The following LYRM4 variants were observed in gnomAD, a reference collection of about 807,000 sequenced individuals.
LYRM4 encodes LYR motif-containing protein 4.
Under a neutral mutation model 11.7 loss-of-function variants are expected in LYRM4, and 9 were observed. The observed-to-expected ratio is 0.77, with a 90% CI of 0.46 to 1.34. The LOEUF is 1.34. Among genes scored for constraint, LYRM4 ranks in the 40% most tolerant of loss-of-function variants. LYRM4 has a pLI of 0.00. For missense variants in LYRM4, 133 were observed against 112.5 expected (o/e 1.18, Z -0.82); for synonymous variants, 42 against 40.4 (o/e 1.04, Z -0.15).
chr6:5,184,613 T>C (rs1379806986), intron 2 of LYRM4, among the ~76,000 whole-genome samples: 4 of 152,158 alleles, frequency 2.6e-5, no homozygotes, highest in South Asian at 4.1e-4. Context: ...TCAAAGAAAA[T>C]AAATGAACAG....
intron 2 of LYRM4, among the ~76,000 whole-genome samples, chr6:5,111,432 C>T (rs1343602232): frequency 1.3e-5 from 2 of 152,162 alleles, no homozygotes; most frequent in Non-Finnish European, 2.9e-5. Flanking sequence ...TAGTAGCAGG[C>T]AGGAGTTATG....
chr6:5,220,969 T>C (rs1343574687), intron 1 of LYRM4, among the ~76,000 whole-genome samples: 3 of 152,138 alleles, frequency 2.0e-5, no homozygotes, highest in African/African-American at 7.2e-5. Flanking sequence ...TAGCTGGGAA[T>C]ACAGCAGCAT....
At chr6:5,170,564 G>A (rs1224415442) in intron 2 of LYRM4, among the ~76,000 whole-genome samples, 2 of 152,056 alleles carry the variant, frequency 1.3e-5, no homozygotes, top group African/African-American at 2.4e-5. Flanking sequence ...GCAGTGGCGC[G>A]ATCTCGGCTC....
the LYRM4 span, among the ~76,000 whole-genome samples, chr6:5,082,607 C>T: frequency 1.3e-5 from 2 of 152,258 alleles, no homozygotes; most frequent in Admixed American, 6.5e-5. Flanking sequence ...TCACCCTTCA[C>T]CACAACAATG....
chr6:5,124,773 C>T (rs932875319), intron 2 of LYRM4, among the ~76,000 whole-genome samples: 4 of 152,220 alleles, frequency 2.6e-5, no homozygotes, highest in Admixed American at 6.5e-5. Flanking sequence ...CCGGCTTTAC[C>T]GGAGGGCTCT....
At chr6:5,259,662 G>A (rs987772183) in intron 1 of LYRM4, among the ~76,000 whole-genome samples, 6 of 152,202 alleles carry the variant, frequency 3.9e-5, no homozygotes, top group Admixed American at 3.3e-4. Flanking sequence ...CCAAGGGTAG[G>A]CTCTGCTCTT....
At chr6:5,120,501 G>A (rs950680888) in intron 2 of LYRM4, among the ~76,000 whole-genome samples, 5 of 152,190 alleles carry the variant, frequency 3.3e-5, no homozygotes, top group African/African-American at 1.2e-4. Flanking sequence ...GTGAGCAGCA[G>A]CAAGATTTAT....
At chr6:5,048,887 T>C in the LYRM4 span, among the ~76,000 whole-genome samples, 1 of 152,192 alleles carries the variant, frequency 6.6e-6, no homozygotes, top group East Asian at 1.9e-4. Flanking sequence ...CTTGTGGGAC[T>C]TGGAAATAAA....
chr6:5,211,143 C>T (rs10498665), intron 2 of LYRM4, among the ~76,000 whole-genome samples: 47,285 of 151,988 alleles, frequency 0.31, 8,689 homozygotes, highest in East Asian at 0.45. Flanking sequence ...CTGCAAAGGA[C>T]CTCAAACATA....
At chr6:5,190,398 G>A (rs1760683506) in intron 2 of LYRM4, among the ~76,000 whole-genome samples, 1 of 151,996 alleles carries the variant, frequency 6.6e-6, no homozygotes, top group Non-Finnish European at 1.5e-5. Context: ...AAATTCACTT[G>A]GTATTCTGTA....
intron 1 of LYRM4, among the ~76,000 whole-genome samples, chr6:5,244,171 G>A (rs948637290): frequency 1.3e-5 from 2 of 152,182 alleles, no homozygotes; most frequent in African/African-American, 4.8e-5. Context: ...TTTCAGTATA[G>A]CTTTCAGTAA....
chr6:5,250,271 A>G (rs972096981), intron 1 of LYRM4, among the ~76,000 whole-genome samples: 3 of 152,146 alleles, frequency 2.0e-5, no homozygotes, highest in Non-Finnish European at 2.9e-5. Flanking sequence ...TATAAATAGA[A>G]TAAGTGCAAT....
chr6:5,052,117 C>T, the LYRM4 span, among the ~76,000 whole-genome samples: 5 of 152,120 alleles, frequency 3.3e-5, no homozygotes, highest in African/African-American at 7.2e-5. Flanking sequence ...ACCTGCCTTG[C>T]AAGAAGGGAG....
At chr6:5,151,316 C>T (rs1758076392) in intron 2 of LYRM4, among the ~76,000 whole-genome samples, 1 of 152,126 alleles carries the variant, frequency 6.6e-6, no homozygotes, top group Non-Finnish European at 1.5e-5. Flanking sequence ...ATCTGTTGAC[C>T]TCGTGATCTG....
intron 2 of LYRM4, among the ~76,000 whole-genome samples, chr6:5,205,167 G>A (rs1002037481): frequency 6.6e-6 from 1 of 152,228 alleles, no homozygotes; most frequent in African/African-American, 2.4e-5. Context: ...ATGCTATTAA[G>A]CAAAGTCACA....
the LYRM4 span, among the ~76,000 whole-genome samples, chr6:5,060,818 G>A: frequency 3.3e-5 from 5 of 152,142 alleles, no homozygotes; most frequent in Admixed American, 1.3e-4. Flanking sequence ...GTGAGCCACC[G>A]TGCCCAGCTA....
At chr6:5,050,813 G>C in the LYRM4 span, among the ~76,000 whole-genome samples, 1 of 152,216 alleles carries the variant, frequency 6.6e-6, no homozygotes, top group East Asian at 1.9e-4. Flanking sequence ...AAACAGAAAA[G>C]TATAACAGAT....
downstream of LYRM4, chr6:5,104,634 C>T (rs1303532519): frequency 2.0e-5 from 3 of 152,140 alleles, no homozygotes; most frequent in African/African-American, 4.8e-5. Context: ...AAAAGAGCTA[C>T]CCTTTCTCTA....
At chr6:5,244,053 ACATG>A (rs1764031156) in intron 1 of LYRM4, among the ~76,000 whole-genome samples, 1 of 152,272 alleles carries the variant, frequency 6.6e-6, no homozygotes, top group Non-Finnish European at 1.5e-5. Flanking sequence ...ATGGTCCCAG[ACATG>A]CGATGGTTTG....
Sources: gnomAD v4.1 joint callset for allele counts (sites outside exome capture counted in the v4.1 genomes callset) on GRCh38, gnomAD v4.1.1 for gene constraint, MANE v1.5 for transcripts, NCBI Gene and HGNC (gene_info 2026-07-23, HGNC 2026-07-21) for gene names.